Variants in ITGA4 observed in about 807,000 individuals in gnomAD.
The protein encoded by ITGA4 is integrin subunit alpha 4.
Under a neutral mutation model 133.6 loss-of-function variants are expected in ITGA4, and 63 were observed. The ratio of observed to expected loss-of-function variants is 0.47; its 90% CI spans 0.38 to 0.58. The LOEUF is 0.58. Ranked by LOEUF, ITGA4 falls within the 20% of genes least tolerant of loss-of-function variation. The pLI is 0.00. For synonymous variants in ITGA4, 483 were observed against 438.0 expected (o/e 1.10, Z -1.28); for missense variants, 1,076 against 1,252.7 (o/e 0.86, Z 2.13).
Position 181,537,736 on chromosome 2 carries a change from T to C in ITGA4, c.*2209T>C, listed in dbSNP as rs1687229230. ...TTTTTTTGTGTGTCCAATAAACACA[T>C]TGTAAAAAAAAGAATTTGAATTGAT... On this transcript the variant is annotated 3_prime_UTR_variant, in exon 28 of 28. Transcript: ENST00000397033. 1 of 441,066 alleles carries C rather than the reference T, an allele frequency of 2.3e-6. No individual in the cohort carries two copies. The highest frequency in any genetic ancestry group is 1.6e-5 in the South Asian group (1 of 61,954). 27.3% of individuals were successfully genotyped at this position (441,066 alleles called of 1,614,324 possible).
At position 181,481,608 on chromosome 2, in the gene ITGA4, C is replaced by A; in HGVS notation, c.765C>A (p.Val255=). 2 of 1,591,870 alleles carry A rather than the reference C, an allele frequency of 1.3e-6. No individual in the cohort carries two copies. The highest frequency in any genetic ancestry group is 2.2e-5 in the South Asian group (2 of 89,616). Residue 255 remains valine (V), a synonymous_variant, in exon 7 of 28, where the codon GTC becomes GTA. Transcript: ENST00000397033. ...VKFGSYLGYS[V]GAGHFRSQHT... ...TCCCTTTTCTTAAAGGATATTCAGT[C>A]GGAGCTGGTCATTTTCGGAGCCAGC...
At position 181,536,954 on chromosome 2, in the gene ITGA4, A is replaced by C. The variant is rs2105779613; in HGVS notation, c.*1427A>C. The C allele has an allele frequency of 2.2e-6, 1 of 453,196 alleles. No individual in the cohort carries two copies. The highest frequency in any genetic ancestry group is 2.4e-5 in the Admixed American group (1 of 42,402). The allele number at this position is 453,196 out of a possible 1,614,324, so 28.1% of individuals were successfully genotyped here. On this transcript the variant is annotated 3_prime_UTR_variant, in exon 28 of 28. Transcript: ENST00000397033. Reference sequence around the variant, plus strand: ...GATTTCTTTATATGAAGTCCCTGCCACTAGCCAGCCATCCTAATTGATGAA... The same window carrying C: ...GATTTCTTTATATGAAGTCCCTGCCCCTAGCCAGCCATCCTAATTGATGAA...
chr2:181,524,724 CT>C (rs1361714395), intron 20 of ITGA4, among the ~76,000 whole-genome samples: 7 of 152,038 alleles, frequency 4.6e-5, no homozygotes, highest in African/African-American at 1.7e-4. Context: ...TCCTAAAAAT[CT>C]CTATAAGTAA....
rs888054244 is a variant in ITGA4 at position 181,495,523 on chromosome 2, G to T, written c.1385+107G>T. ...GGTAGTGACCTCATGATGCTCTTTT[G>T]GTATTCTGAAGCTTAATTATTGATT... On this transcript the variant is annotated intron_variant, in intron 13 of 27. Coordinates refer to ENST00000397033, the MANE Select transcript of ITGA4 (RefSeq NM_000885.6). The surrounding 1 kb of genome is among the most constrained non-coding windows in gnomAD (Gnocchi z 4.3). 43 of 852,552 alleles carry T rather than the reference G, an allele frequency of 5.0e-5. No individual in the cohort carries two copies. The Admixed American group carries it at 7.3e-4, about 14-fold the overall frequency. The allele number at this position is 852,552 out of a possible 1,614,324, so 52.8% of individuals were successfully genotyped here. A position where few individuals can be genotyped will look rare whatever the true frequency, so the allele number is the denominator to read the frequency against.
rs1559063081 is a variant in ITGA4, at chr2:181,537,211, G to C, written c.*1684G>C. The C allele has an allele frequency of 6.6e-6, 3 of 452,946 alleles. No homozygotes were observed. The highest frequency in any genetic ancestry group is 1.3e-5 in the Non-Finnish European group (3 of 226,034). The allele number at this position is 452,946 out of a possible 1,614,324, so 28.1% of individuals were successfully genotyped here. A position where few individuals can be genotyped will look rare whatever the true frequency, so the allele number is the denominator to read the frequency against. ...AGATGAAAAATCAAGCCCCGATTTA[G>C]AACTGTCTTCTCCAGGATGGTCTCT... On this transcript the variant is annotated 3_prime_UTR_variant, in exon 28 of 28. Coordinates refer to ENST00000397033, the MANE Select transcript of ITGA4 (RefSeq NM_000885.6).
At chr2:181,486,691 A>T (rs1420605948) in intron 10 of ITGA4, among the ~76,000 whole-genome samples, 1 of 152,184 alleles carries the variant, frequency 6.6e-6, no homozygotes, top group Non-Finnish European at 1.5e-5. Flanking sequence ...ACTGTTAAAA[A>T]TTTGCTTTTA....
At position 181,534,335 on chromosome 2, in the gene ITGA4, G is replaced by C. The variant is rs763137272; in HGVS notation, c.2848G>C (p.Val950Leu). The C allele has an allele frequency of 6.2e-7, 1 of 1,608,390 alleles. No homozygotes were observed. Among genetic ancestry groups the C allele is most frequent in the Admixed American group, 1.7e-5 (1 of 59,986 alleles). Reference sequence around the variant, plus strand: ...AGGTTTTCCAGAGCCAAATCCAAGAGTAATTGAACTAAACAAGGATGAGAA... The same window carrying C: ...AGGTTTTCCAGAGCCAAATCCAAGACTAATTGAACTAAACAAGGATGAGAA... ...ATGFPEPNPR[V>L]IELNKDENVA... Residue 950 changes from valine (V) to leucine (L), a missense_variant, in exon 26 of 28, where the codon GTA becomes CTA. Coordinates refer to ENST00000397033, the MANE Select transcript of ITGA4 (RefSeq NM_000885.6).
chr2:181,474,917 A>G (rs770820701), intron 2 of ITGA4, 43 bp from the exon 3 acceptor site: 5 of 1,467,796 alleles, frequency 3.4e-6, no homozygotes, highest in Non-Finnish European at 3.8e-6. Flanking sequence ...CTTTTGTAGA[A>G]TGTTTTCAAT....
chr2:181,494,693 A>G (rs1478507759), intron 11 of ITGA4, 29 bp from the exon 12 acceptor site: 1 of 1,187,770 alleles, frequency 8.4e-7, no homozygotes, highest in Non-Finnish European at 1.3e-6. Context: ...TTCAAAAACT[A>G]CTTCCCACTC....
At chr2:181,522,433 G>T in intron 18 of ITGA4, 92 bp downstream of exon 18, 1 of 859,878 alleles carries the variant, frequency 1.2e-6, no homozygotes, top group South Asian at 2.2e-5. Context: ...ACTGATTTGG[G>T]GTATAAGTCT....
rs140897211 is a variant in ITGA4 at position 181,523,686 on chromosome 2, C to A, written c.2169+154C>A. ...AAAACTGGTTCTTGAAATCTTTGAG[C>A]TTTGTGTTTATATTCTTGGCAATGT... On this transcript the variant is annotated intron_variant, in intron 19 of 27. Coordinates refer to ENST00000397033, the MANE Select transcript of ITGA4 (RefSeq NM_000885.6). This position sits in a 1 kb window ranked among gnomAD's most constrained non-coding sequence, Gnocchi z 4.2. Among the ~76,000 whole-genome samples the A allele has an allele frequency of 6.6e-6, 1 of 152,082 alleles. No homozygotes were observed. Among genetic ancestry groups the A allele is most frequent in the African/African-American group, 2.4e-5 (1 of 41,466 alleles).
intron 10 of ITGA4, among the ~76,000 whole-genome samples, chr2:181,490,405 A>G (rs904106521): frequency 3.3e-5 from 5 of 151,850 alleles, no homozygotes; most frequent in African/African-American, 9.7e-5. Context: ...ATTTAAGATA[A>G]TGACATCCCC....
rs574931186 is a variant in ITGA4 at position 181,516,675 on chromosome 2, A to G, written c.1922+4900A>G. ...TTGATCCTGAATCAATTATTTTGTT[A>G]TTGTGATACATTCTCTGGAGTTGAA... On this transcript the variant is annotated intron_variant, in intron 17 of 27. Coordinates refer to ENST00000397033, the MANE Select transcript of ITGA4 (RefSeq NM_000885.6). This position sits in a 1 kb window ranked among gnomAD's most constrained non-coding sequence, Gnocchi z 4.0. Among the ~76,000 whole-genome samples, 1 of 152,104 alleles carries G rather than the reference A, an allele frequency of 6.6e-6. No homozygotes were observed. Among genetic ancestry groups the G allele is most frequent in the African/African-American group, 2.4e-5 (1 of 41,536 alleles).
chr2:181,525,698 G>T (rs117872402), intron 21 of ITGA4, among the ~76,000 whole-genome samples: 21 of 151,040 alleles, frequency 1.4e-4, no homozygotes, highest in African/African-American at 4.9e-4. Context: ...CTGCAGACCC[G>T]TATCTACACA....
At chr2:181,484,573 T>C (rs1685873737) in intron 9 of ITGA4, among the ~76,000 whole-genome samples, 1 of 152,208 alleles carries the variant, frequency 6.6e-6, no homozygotes, top group Non-Finnish European at 1.5e-5. Context: ...TCAGTGATTA[T>C]ATTTATAAAG....
chr2:181,529,775 T>C (rs978973485), intron 23 of ITGA4, 127 bp downstream of exon 23: 5 of 580,232 alleles, frequency 8.6e-6, no homozygotes, highest in Admixed American at 6.2e-5. Flanking sequence ...AGTCACACTC[T>C]AAGCTATGAA....
Position 181,475,209 on chromosome 2 carries a change from G to T in ITGA4, c.477G>T (p.Lys159Asn). 1 of 1,612,252 alleles carries T rather than the reference G, an allele frequency of 6.2e-7. No individual in the cohort carries two copies. Among genetic ancestry groups the T allele is most frequent in the East Asian group, 2.2e-5 (1 of 44,870 alleles). ...TATTTTACATAAAGAATGAAAATAA[G>T]CTCCCCACTGGTGGTTGCTATGGAG... Reference protein sequence around the residue: ...KNIFYIKNENKLPTGGCYGVP... With the variant: ...KNIFYIKNENNLPTGGCYGVP... The change falls in exon 4 of 28, where the codon AAG (lysine) becomes AAT (asparagine). Residue 159 changes from lysine to asparagine, a missense_variant. Coordinates refer to ENST00000397033, the MANE Select transcript of ITGA4 (RefSeq NM_000885.6).
chr2:181,460,566 A>AGTGTGTGTGTGTGTGT lies in ITGA4; in HGVS notation c.319+2271_319+2286dup, dbSNP rs61016862. ...ATATATAAGCCATCTTCTGTAGAAG[A>AGTGTGTGTGTGTGTGT]GTGTGTGTGTGTGTGTGTGTGTGTG... is the stretch of plus-strand genomic sequence containing the variant. On this transcript the variant is annotated intron_variant, in intron 2 of 27. Transcript: ENST00000397033. Among the ~76,000 whole-genome samples the AGTGTGTGTGTGTGTGT allele has an allele frequency of 6.1e-5, 9 of 148,066 alleles. No individual in the cohort carries two copies. The East Asian group carries it at 1.8e-3, about 30-fold the overall frequency.
At chr2:181,463,544 T>A (rs934760404) in intron 2 of ITGA4, among the ~76,000 whole-genome samples, 1 of 152,128 alleles carries the variant, frequency 6.6e-6, no homozygotes, top group Non-Finnish European at 1.5e-5. Context: ...AATTATTGAA[T>A]GAAAGAGATG....
Sources: gnomAD v4.1 joint callset for allele counts (sites outside exome capture counted in the v4.1 genomes callset) on GRCh38, gnomAD v4.1.1 for gene constraint, Gnocchi (gnomAD v3.1) non-coding constraint, MANE v1.5 for transcripts, NCBI Gene and HGNC (gene_info 2026-07-23, HGNC 2026-07-21) for gene names.